Variants in PALD1 observed in about 807,000 individuals in gnomAD.
PALD1 encodes paladin.
PALD1 carries 57 observed loss-of-function variants against 96.0 expected under a neutral mutation model. The ratio of observed to expected loss-of-function variants is 0.59; its 90% CI spans 0.48 to 0.74. The LOEUF (loss-of-function observed/expected upper bound fraction) is 0.74. Ranked by LOEUF, PALD1 falls within the 30% of genes least tolerant of loss-of-function variation. PALD1 has a pLI of 0.00. For missense variants in PALD1, 1,063 were observed against 1,143.7 expected, an observed-to-expected ratio of 0.93 and a Z score of 1.02; for synonymous variants, 464 against 473.6, an observed-to-expected ratio of 0.98 and a Z score of 0.26.
Position 70,541,161 on chromosome 10 carries a change from C to T in PALD1, c.1968C>T (p.Gly656=). The change falls in exon 16 of 20, where the codon GGC becomes GGT. Residue 656 remains glycine, a synonymous_variant. Transcript: ENST00000263563. ...CCCTCTCCAAGGACCCAGGCACTGG[C>T]TTCGTGTTCAGCTGCCTCAGCGGCC... ...RAALSKDPGT[G]FVFSCLSGQG... 7 of 1,613,780 alleles carry T rather than the reference C, an allele frequency of 4.3e-6. No homozygotes were observed. The highest frequency in any genetic ancestry group is 5.9e-6 in the Non-Finnish European group (7 of 1,179,824).
At chr10:70,462,480 G>A in the PALD1 span, among the ~76,000 whole-genome samples, 2 of 152,264 alleles carry the variant, frequency 1.3e-5, no homozygotes, top group Non-Finnish European at 2.9e-5. Flanking sequence ...GTAAATGGGA[G>A]CTTTTATCAT....
chr10:70,466,896 C>A, the PALD1 span, among the ~76,000 whole-genome samples: 1 of 152,198 alleles, frequency 6.6e-6, no homozygotes, highest in African/African-American at 2.4e-5. Context: ...TCTTTCCTTC[C>A]TTCCACAGCC....
intron 18 of PALD1, 29 bp downstream of exon 18, chr10:70,547,475 C>T: frequency 6.9e-7 from 1 of 1,447,898 alleles, no homozygotes; most frequent in Non-Finnish European, 9.3e-7. Context: ...CCACCCCACC[C>T]TGCCCCAGCC....
chr10:70,552,894 TC>T (rs1409689305), intron 18 of PALD1, among the ~76,000 whole-genome samples: 3 of 152,126 alleles, frequency 2.0e-5, no homozygotes, highest in Non-Finnish European at 2.9e-5. Context: ...GTTCTCCTTT[TC>T]CCCCCTGAAA....
the PALD1 span, among the ~76,000 whole-genome samples, chr10:70,459,484 C>T: frequency 6.7e-6 from 1 of 148,984 alleles, no homozygotes; most frequent in Non-Finnish European, 1.5e-5. Context: ...CTGCTGTCCT[C>T]TGTGGCACTG....
In PALD1 at chr10:70,564,515, A is replaced by G. The variant is rs1847803705; in HGVS notation, c.2414A>G (p.Gln805Arg). The G allele has an allele frequency of 6.2e-7, 1 of 1,613,472 alleles. No homozygotes were observed. Among genetic ancestry groups the G allele is most frequent in the African/African-American group, 1.3e-5 (1 of 75,044 alleles). Reference sequence around the variant, plus strand: ...CAGAGGCCCTTCAGCACCTGGATGCAGGAGGTGAGGGGAGGCTGAGGCCGA... The same window carrying G: ...CAGAGGCCCTTCAGCACCTGGATGCGGGAGGTGAGGGGAGGCTGAGGCCGA... ...SWQRPFSTWM[Q>R]EVASKAGIYE... Residue 805 changes from glutamine to arginine, a missense_variant, in exon 19 of 20, where the codon CAG becomes CGG. By Grantham distance (43) the Gln-to-Arg change is conservative. Coordinates refer to ENST00000263563, the MANE Select transcript of PALD1 (RefSeq NM_014431.3).
intron 1 of PALD1, among the ~76,000 whole-genome samples, chr10:70,480,594 TC>T (rs1222161496): frequency 6.6e-6 from 1 of 152,228 alleles, no homozygotes; most frequent in Admixed American, 6.5e-5. Context: ...CCCTGCCCCC[TC>T]CCTCATTGTC....
At chr10:70,553,762 G>A (rs1847531166) in intron 18 of PALD1, among the ~76,000 whole-genome samples, 2 of 152,174 alleles carry the variant, frequency 1.3e-5, no homozygotes, top group Admixed American at 1.3e-4. Flanking sequence ...CAAGCGGGCG[G>A]AGGCACCATT....
chr10:70,558,441 C>T (rs931875736), intron 18 of PALD1, among the ~76,000 whole-genome samples: 3 of 152,248 alleles, frequency 2.0e-5, no homozygotes, highest in South Asian at 2.1e-4. Context: ...ATTTGACAAA[C>T]GGTTATTACA....
At chr10:70,551,406 T>C (rs981064677) in intron 18 of PALD1, among the ~76,000 whole-genome samples, 2 of 152,172 alleles carry the variant, frequency 1.3e-5, no homozygotes, top group Non-Finnish European at 2.9e-5. Context: ...CCCCACAGCC[T>C]CTGGATGTAA....
At chr10:70,528,433 C>T (rs554616862) in intron 2 of PALD1, among the ~76,000 whole-genome samples, 3 of 152,344 alleles carry the variant, frequency 2.0e-5, no homozygotes, top group Admixed American at 2.0e-4. Flanking sequence ...ATCATTAGCA[C>T]ATTTAATTCT....
intron 18 of PALD1, among the ~76,000 whole-genome samples, chr10:70,562,503 T>C (rs1053248696): frequency 6.6e-6 from 1 of 152,184 alleles, no homozygotes; most frequent in Non-Finnish European, 1.5e-5. Flanking sequence ...GCATGTAGGC[T>C]GATGTTGTGT....
Position 70,529,228 on chromosome 10 carries a change from G to C in PALD1, c.186-1G>C, listed in dbSNP as rs745512504. On this transcript the variant is annotated splice_acceptor_variant, in intron 2 of 19. Transcript: ENST00000263563. LOFTEE classifies it high-confidence loss of function. ...ATTCTGCCCCCCCCCCCCCCCCCCA[G>C]GTACAACTGCAAGGAGGAGTTCCAG... The C allele has an allele frequency of 7.4e-5, 23 of 312,284 alleles. No individual in the cohort carries two copies. Among genetic ancestry groups the C allele is most frequent in the Non-Finnish European group, 1.2e-4 (22 of 178,122 alleles). The allele number at this position is 312,284 out of a possible 1,614,324, so 19.3% of individuals were successfully genotyped here. A position where few individuals can be genotyped will look rare whatever the true frequency, so the allele number is the denominator to read the frequency against.
chr10:70,532,573 G>A (rs568396036), intron 5 of PALD1, 48 bp from the exon 6 acceptor site: 3 of 1,589,550 alleles, frequency 1.9e-6, no homozygotes, highest in Non-Finnish European at 2.6e-6. Flanking sequence ...CTCAGGGAGG[G>A]TCTTGAAGTT....
At position 70,529,220 on chromosome 10, in the gene PALD1, C is replaced by T. The variant is rs201422138; in HGVS notation, c.186-9C>T. ...CAGTTTCCATTCTGCCCCCCCCCCC[C>T]CCCCCCAGGTACAACTGCAAGGAGG... is the stretch of plus-strand genomic sequence containing the variant. On this transcript the variant is annotated splice_polypyrimidine_tract_variant and intron_variant, in intron 2 of 19. Transcript: ENST00000263563. 1.2e-5 allele frequency: 5 copies of T among 415,072 alleles called. 1 individual carries two copies. Among genetic ancestry groups the T allele is most frequent in the South Asian group, 6.8e-5 (3 of 44,050 alleles). 25.7% of individuals were successfully genotyped at this position (415,072 alleles called of 1,614,324 possible).
intron 1 of PALD1, among the ~76,000 whole-genome samples, chr10:70,488,516 AG>A (rs560380156): frequency 2.6e-5 from 4 of 152,234 alleles, no homozygotes; most frequent in Non-Finnish European, 5.9e-5. Flanking sequence ...TGGTCCCCGT[AG>A]GTAACACTGT....
intron 1 of PALD1, among the ~76,000 whole-genome samples, chr10:70,511,484 A>G (rs1326532441): frequency 1.3e-5 from 2 of 152,236 alleles, no homozygotes; most frequent in Admixed American, 1.3e-4. Context: ...TTGGCATCTT[A>G]TACTGACGCT....
chr10:70,541,325 G>A, intron 16 of PALD1, 83 bp downstream of exon 16: 1 of 1,534,896 alleles, frequency 6.5e-7, no homozygotes, highest in East Asian at 2.3e-5. Flanking sequence ...GGCTCCACAG[G>A]AGGGTGTGAG....
chr10:70,529,413 G>T, intron 3 of PALD1, 82 bp downstream of exon 3: 1 of 701,046 alleles, frequency 1.4e-6, no homozygotes, highest in Non-Finnish European at 2.6e-6. Flanking sequence ...ACCTCCCTCT[G>T]GCCCTCCCCA....
Sources: gnomAD v4.1 joint callset for allele counts (sites outside exome capture counted in the v4.1 genomes callset) on GRCh38, gnomAD v4.1.1 for gene constraint, MANE v1.5 for transcripts, NCBI Gene and HGNC (gene_info 2026-07-23, HGNC 2026-07-21) for gene names.